The following SHROOM2 variants were observed in gnomAD, a reference collection of about 807,000 sequenced individuals.
The protein encoded by SHROOM2 is shroom family member 2, also known as protein Shroom2.
In SHROOM2, 33 loss-of-function variants were observed where a neutral mutation model predicts 75.9. The ratio of observed to expected loss-of-function variants is 0.43; its 90% CI spans 0.33 to 0.58. The LOEUF is 0.58. Among genes scored for constraint, SHROOM2 ranks in the 20% least tolerant of loss-of-function variants. SHROOM2 has a pLI of 0.04. For missense variants in SHROOM2, 1,434 were observed against 1,461.2 expected (o/e 0.98, Z 0.30); for synonymous variants, 655 against 663.6 (o/e 0.99, Z 0.20).
intron 1 of SHROOM2, among the ~76,000 whole-genome samples, chrX:9,795,878 G>A (rs956483159): frequency 9.0e-6 from 1 of 110,528 alleles, no homozygotes; most frequent in Non-Finnish European, 1.9e-5. Flanking sequence ...GCTGGGCGAG[G>A]GTGATCATCT....
At chrX:9,899,128 T>C (rs1211907250) in intron 5 of SHROOM2, among the ~76,000 whole-genome samples, 1 of 109,681 alleles carries the variant, frequency 9.1e-6, no homozygotes, top group African/African-American at 3.3e-5. Flanking sequence ...CAGATGCCTG[T>C]AGTCCCAGCT....
At chrX:9,853,211 C>T (rs1183216170) in intron 1 of SHROOM2, among the ~76,000 whole-genome samples, 2 of 111,390 alleles carry the variant, frequency 1.8e-5, no homozygotes, top group East Asian at 2.8e-4. Flanking sequence ...GCCAGGACTC[C>T]GGGAGAGGCG....
chrX:9,821,695 C>T (rs1183587263), intron 1 of SHROOM2, among the ~76,000 whole-genome samples: 2 of 111,960 alleles, frequency 1.8e-5, no homozygotes, highest in East Asian at 5.6e-4. Context: ...ACCGTATGAT[C>T]CATTGGTATC....
chrX:9,915,011 G>C (rs2084476528), intron 5 of SHROOM2, among the ~76,000 whole-genome samples: 1 of 112,291 alleles, frequency 8.9e-6, no homozygotes, highest in South Asian at 3.7e-4. Flanking sequence ...CCGTTAATCA[G>C]GCAGAGACAG....
At chrX:9,892,662 A>G (rs996594205) in intron 3 of SHROOM2, among the ~76,000 whole-genome samples, 1 of 111,865 alleles carries the variant, frequency 8.9e-6, no homozygotes, top group African/African-American at 3.3e-5. Context: ...ACTGGTGGGT[A>G]GTCAGGAGCA....
intron 3 of SHROOM2, among the ~76,000 whole-genome samples, chrX:9,893,095 A>ATATTAT (rs200771047): frequency 2.8e-5 from 3 of 108,758 alleles, no homozygotes; most frequent in East Asian, 3.0e-4. Flanking sequence ...GCAGTGTGTG[A>ATATTAT]TATTATTATT....
chrX:9,838,679 G>T (rs1272189535), intron 1 of SHROOM2, among the ~76,000 whole-genome samples: 1 of 112,020 alleles, frequency 8.9e-6, no homozygotes, highest in Non-Finnish European at 1.9e-5. Context: ...GAAACAAAAA[G>T]CCTTAAATAA....
At chrX:9,921,789 T>C (rs1385877444) in intron 5 of SHROOM2, among the ~76,000 whole-genome samples, 8 of 112,366 alleles carry the variant, frequency 7.1e-5, no homozygotes, top group Admixed American at 3.8e-4. Flanking sequence ...TTCCCTCCTT[T>C]TTAAGTCTTT....
chrX:9,796,476 C>A (rs1374005192), intron 1 of SHROOM2, among the ~76,000 whole-genome samples: 1 of 110,833 alleles, frequency 9.0e-6, no homozygotes, highest in African/African-American at 3.3e-5. Flanking sequence ...ACATCTAATG[C>A]CCAGCATCAG....
chrX:9,923,794 G>A (rs1443242863), intron 5 of SHROOM2, among the ~76,000 whole-genome samples: 1 of 112,293 alleles, frequency 8.9e-6, no homozygotes, highest in Non-Finnish European at 1.9e-5. Flanking sequence ...CTGTTATTGG[G>A]CATTAACCCC....
intron 5 of SHROOM2, among the ~76,000 whole-genome samples, chrX:9,915,887 A>G (rs186477501): frequency 1.7e-3 from 188 of 112,027 alleles, no homozygotes; most frequent in Non-Finnish European, 2.7e-3. Context: ...TGCAATTGTG[A>G]TAGAAGGAAG....
chrX:9,846,356 G>A (rs1453188949), intron 1 of SHROOM2, among the ~76,000 whole-genome samples: 1 of 111,908 alleles, frequency 8.9e-6, no homozygotes, highest in Non-Finnish European at 1.9e-5. Context: ...GTGCAGTGGT[G>A]CAATCTCAGC....
chrX:9,814,608 A>T (rs1311947487), intron 1 of SHROOM2, among the ~76,000 whole-genome samples: 1 of 111,014 alleles, frequency 9.0e-6, no homozygotes, highest in East Asian at 2.8e-4. Flanking sequence ...GGAGGCCATC[A>T]CTGTTGCCTC....
chrX:9,799,157 C>CTTTTT lies in SHROOM2; in HGVS notation c.165+12471_165+12475dup, dbSNP rs58508176. On this transcript the variant is annotated intron_variant, in intron 1 of 9. Coordinates refer to ENST00000380913, the MANE Select transcript of SHROOM2 (RefSeq NM_001649.4). Reference sequence around the variant, plus strand: ...GTTTGCCTTTACGGAGAGTTTAATTCTTTTTTTTTTTTTTTTTTTTTTTTT... The same window carrying CTTTTT: ...GTTTGCCTTTACGGAGAGTTTAATTCTTTTTTTTTTTTTTTTTTTTTTTTTTTTTT... 1.8e-3 allele frequency among the ~76,000 whole-genome samples: 111 copies of CTTTTT among 61,381 alleles called. 19 individuals are homozygous for CTTTTT. The highest frequency in any genetic ancestry group is 8.3e-3 in the African/African-American group (94 of 11,344). 53.3% of individuals were successfully genotyped at this position (61,381 alleles called of 115,157 possible).
At chrX:9,806,415 C>T (rs1396148508) in intron 1 of SHROOM2, among the ~76,000 whole-genome samples, 1 of 108,884 alleles carries the variant, frequency 9.2e-6, no homozygotes, top group Non-Finnish European at 1.9e-5. Flanking sequence ...TAATCAAATA[C>T]ATCAAGTTAA....
chrX:9,872,620 G>A (rs764409490), intron 1 of SHROOM2, among the ~76,000 whole-genome samples: 3 of 111,945 alleles, frequency 2.7e-5, no homozygotes, highest in Admixed American at 9.5e-5. Flanking sequence ...AAGCTGTTAC[G>A]GAGTCAGTCA....
intron 2 of SHROOM2, among the ~76,000 whole-genome samples, chrX:9,888,514 G>T (rs2084273575): frequency 9.0e-6 from 1 of 111,423 alleles, no homozygotes; most frequent in South Asian, 3.8e-4. Context: ...CGCAAACACG[G>T]CTCACTACAG....
intron 5 of SHROOM2, among the ~76,000 whole-genome samples, chrX:9,907,540 C>T (rs758018820): frequency 2.5e-3 from 281 of 111,287 alleles, no homozygotes; most frequent in African/African-American, 8.9e-3. Flanking sequence ...CGGGTGGTGT[C>T]AGATGGTAAA....
chrX:9,945,711 ATG>A (rs2084812626), intron 9 of SHROOM2, among the ~76,000 whole-genome samples: 1 of 111,280 alleles, frequency 9.0e-6, no homozygotes, highest in Non-Finnish European at 1.9e-5. Flanking sequence ...ACAAGAGGGC[ATG>A]TATCAGTCTA....
Sources: allele counts gnomAD v4.1 joint callset (sites outside exome capture counted in the v4.1 genomes callset), GRCh38; gene constraint gnomAD v4.1.1; transcripts MANE v1.5; gene names NCBI Gene and HGNC (gene_info 2026-07-23, HGNC 2026-07-21).